EDIL3: variants seen among roughly 807,000 people sequenced by gnomAD.
EDIL3 encodes EGF-like repeat and discoidin I-like domain-containing protein 3.
EDIL3 carries 37 observed loss-of-function variants against 67.4 expected under a neutral mutation model. That is an observed-to-expected ratio of 0.55 (90% CI 0.42 to 0.72). The LOEUF is 0.72. EDIL3 is among the 30% of genes least tolerant of loss of function. The pLI, the probability that EDIL3 is intolerant of heterozygous loss-of-function variation, is 0.00. For missense variants in EDIL3, 527 were observed against 586.3 expected, an observed-to-expected ratio of 0.90 and a Z score of 1.04; for synonymous variants, 195 against 196.3, an observed-to-expected ratio of 0.99 and a Z score of 0.05.
chr5:84,320,475 C>T (rs926450734), intron 1 of EDIL3, among the ~76,000 whole-genome samples: 10 of 151,892 alleles, frequency 6.6e-5, no homozygotes, highest in Admixed American at 5.2e-4. Context: ...GTATGGCAGC[C>T]AGCTCCAGCC....
chr5:84,355,417 T>C (rs1267038619), intron 1 of EDIL3, among the ~76,000 whole-genome samples: 8 of 152,046 alleles, frequency 5.3e-5, no homozygotes, highest in Non-Finnish European at 2.9e-5. Context: ...CTTCCTTGCA[T>C]TGGGTTACAA....
chr5:84,204,567 G>A (rs968765645), intron 3 of EDIL3, among the ~76,000 whole-genome samples: 2 of 151,552 alleles, frequency 1.3e-5, no homozygotes, highest in African/African-American at 4.8e-5. Flanking sequence ...CCATTCTTAG[G>A]CACTATCCAA....
chr5:84,312,755 C>T (rs1208375570), intron 1 of EDIL3, among the ~76,000 whole-genome samples: 1 of 152,192 alleles, frequency 6.6e-6, no homozygotes. Flanking sequence ...ATTTTTGGAT[C>T]CTTTTTGTAA....
chr5:84,317,757 C>T (rs1197222017), intron 1 of EDIL3, among the ~76,000 whole-genome samples: 1 of 152,108 alleles, frequency 6.6e-6, no homozygotes, highest in South Asian at 2.1e-4. Flanking sequence ...TGGCACAAGA[C>T]AAGGATGCCC....
In EDIL3 at chr5:83,946,102, C is replaced by T. The variant is rs146406545; in HGVS notation, c.1294-2534G>A. On this transcript the variant is annotated intron_variant, in intron 10 of 10. Coordinates refer to ENST00000296591, the MANE Select transcript of EDIL3 (RefSeq NM_005711.5). ...GTATTTTTAGTTAACTTCATAAAAT[C>T]TCTAAGATTTCTAGAAAGTGCTTTC... 1.6e-3 allele frequency among the ~76,000 whole-genome samples: 238 copies of T among 152,008 alleles called. 1 individual carries two copies. The highest frequency in any genetic ancestry group is 5.5e-3 in the African/African-American group (228 of 41,510).
intron 1 of EDIL3, among the ~76,000 whole-genome samples, chr5:84,322,171 C>T (rs990991646): frequency 4.6e-5 from 7 of 151,084 alleles, no homozygotes; most frequent in South Asian, 4.2e-4. Flanking sequence ...ACAAACTTCA[C>T]GAGATATTCA....
chr5:83,976,953 A>T (rs374618158), intron 9 of EDIL3, among the ~76,000 whole-genome samples: 13 of 151,920 alleles, frequency 8.6e-5, no homozygotes, highest in African/African-American at 3.1e-4. Context: ...ATAACATTCC[A>T]TATATGCATA....
chr5:83,991,052 A>AAAAT (rs1337876760), intron 9 of EDIL3, among the ~76,000 whole-genome samples: 2 of 152,210 alleles, frequency 1.3e-5, no homozygotes, highest in Non-Finnish European at 2.9e-5. Flanking sequence ...ACTGCTGTAC[A>AAAAT]GCAATATCTT....
intron 9 of EDIL3, among the ~76,000 whole-genome samples, chr5:84,056,258 G>A (rs1225026714): frequency 6.6e-6 from 1 of 152,054 alleles, no homozygotes; most frequent in Non-Finnish European, 1.5e-5. Context: ...ACTCATAGGT[G>A]GGAATTGAAC....
At chr5:84,129,061 A>C (rs1407134668) in intron 5 of EDIL3, among the ~76,000 whole-genome samples, 1 of 152,152 alleles carries the variant, frequency 6.6e-6, no homozygotes, top group African/African-American at 2.4e-5. Flanking sequence ...TTACTACATT[A>C]TAACTTTAAG....
At chr5:84,169,167 C>T (rs552130685) in intron 4 of EDIL3, among the ~76,000 whole-genome samples, 1 of 152,050 alleles carries the variant, frequency 6.6e-6, no homozygotes, top group South Asian at 2.1e-4. Flanking sequence ...TCCATTCTTA[C>T]AAAACATAAC....
At chr5:83,977,306 T>A (rs563706384) in intron 9 of EDIL3, among the ~76,000 whole-genome samples, 1 of 152,012 alleles carries the variant, frequency 6.6e-6, no homozygotes, top group Admixed American at 6.6e-5. Flanking sequence ...TAAATTTTCC[T>A]TTACTAGAAA....
At chr5:84,304,437 C>T (rs979494909) in intron 1 of EDIL3, among the ~76,000 whole-genome samples, 5 of 152,148 alleles carry the variant, frequency 3.3e-5, no homozygotes, top group Admixed American at 6.5e-5. Flanking sequence ...ACATGCACGA[C>T]GGACCACAAA....
intron 1 of EDIL3, among the ~76,000 whole-genome samples, chr5:84,260,350 C>A (rs1335770577): frequency 1.3e-5 from 2 of 152,086 alleles, no homozygotes; most frequent in Non-Finnish European, 2.9e-5. Flanking sequence ...AAGTGGTCAG[C>A]CCTCATGATA....
chr5:84,335,867 T>C (rs1257362870), intron 1 of EDIL3, among the ~76,000 whole-genome samples: 1 of 152,192 alleles, frequency 6.6e-6, no homozygotes, highest in Non-Finnish European at 1.5e-5. Flanking sequence ...AAGATCAAGA[T>C]GTCAGCATAT....
chr5:84,088,410 G>T (rs1042663833), intron 6 of EDIL3, among the ~76,000 whole-genome samples: 2 of 152,172 alleles, frequency 1.3e-5, no homozygotes, highest in Non-Finnish European at 2.9e-5. Context: ...TGTTCTGTGA[G>T]AATCACATTT....
intron 1 of EDIL3, among the ~76,000 whole-genome samples, chr5:84,287,620 C>T (rs1322659376): frequency 6.6e-6 from 1 of 152,016 alleles, no homozygotes; most frequent in African/African-American, 2.4e-5. Context: ...ATGCACAGGC[C>T]TGCTTTTTAC....
intron 6 of EDIL3, among the ~76,000 whole-genome samples, chr5:84,090,248 T>C (rs891203418): frequency 2.0e-5 from 3 of 152,206 alleles, no homozygotes; most frequent in Non-Finnish European, 4.4e-5. Context: ...GCATAGATTG[T>C]TATGTTTTGG....
chr5:84,152,013 C>T (rs748198000), intron 4 of EDIL3, among the ~76,000 whole-genome samples: 5 of 151,510 alleles, frequency 3.3e-5, no homozygotes, highest in East Asian at 3.9e-4. Context: ...TCCTGGGTCC[C>T]GGTTCAAGCA....
Sources: allele counts gnomAD v4.1 joint callset (sites outside exome capture counted in the v4.1 genomes callset), GRCh38; gene constraint gnomAD v4.1.1; transcripts MANE v1.5; gene names NCBI Gene and HGNC (gene_info 2026-07-23, HGNC 2026-07-21).